CAMTA1: variants seen among roughly 807,000 people sequenced by gnomAD.
The protein encoded by CAMTA1 is calmodulin-binding transcription activator 1.
In CAMTA1, 27 loss-of-function variants were observed where a neutral mutation model predicts 170.9. The ratio of observed to expected loss-of-function variants is 0.16; its 90% CI spans 0.12 to 0.22. CAMTA1 has a LOEUF of 0.22. Among genes scored for constraint, CAMTA1 ranks in the 10% least tolerant of loss-of-function variants. CAMTA1 has a pLI of 1.00. For synonymous variants in CAMTA1, 833 were observed against 891.5 expected (o/e 0.93, Z 1.17); for missense variants, 1,619 against 2,217.2 (o/e 0.73, Z 5.42).
Position 7,224,163 on chromosome 1 carries a change from A to T in CAMTA1, c.303-25328A>T, listed in dbSNP as rs1279436765. On this transcript the variant is annotated intron_variant, in intron 4 of 22. Coordinates refer to ENST00000303635, the MANE Select transcript of CAMTA1 (RefSeq NM_015215.4). This position sits in a 1 kb window ranked among gnomAD's most constrained non-coding sequence, Gnocchi z 5.2. ...GAGTGCTCAAGCCATCCTGGACCTC[A>T]CCCGATGGGAGGGAGAATGATGCTC... is the stretch of plus-strand genomic sequence containing the variant. Among the ~76,000 whole-genome samples the T allele has an allele frequency of 6.6e-6, 1 of 152,134 alleles. No individual in the cohort carries two copies.
At chr1:7,648,391 C>CAAAAA (rs553719319) in intron 7 of CAMTA1, among the ~76,000 whole-genome samples, 2 of 112,772 alleles carry the variant, frequency 1.8e-5, no homozygotes, top group African/African-American at 6.5e-5. Flanking sequence ...GACTCCACCT[C>CAAAAA]AAAAAAAAAA....
At chr1:7,226,154 C>T (rs987314074) in intron 4 of CAMTA1, among the ~76,000 whole-genome samples, 1 of 152,272 alleles carries the variant, frequency 6.6e-6, no homozygotes, top group Admixed American at 6.5e-5. Context: ...ACACGTGCCT[C>T]CAAAGAACCC....
chr1:7,359,095 G>C (rs2149960190), intron 5 of CAMTA1, among the ~76,000 whole-genome samples: 1 of 152,352 alleles, frequency 6.6e-6, no homozygotes, highest in East Asian at 1.9e-4. Context: ...GTGCATAAGA[G>C]GGGCTCTAGG....
chr1:7,004,622 C>T (rs1477431765), intron 3 of CAMTA1, among the ~76,000 whole-genome samples: 1 of 152,114 alleles, frequency 6.6e-6, no homozygotes, highest in African/African-American at 2.4e-5. Flanking sequence ...GTATGAAAAC[C>T]ACTTAATTCA....
intron 22 of CAMTA1, among the ~76,000 whole-genome samples, chr1:7,758,673 C>T (rs1383570984): frequency 6.6e-6 from 1 of 152,172 alleles, no homozygotes; most frequent in Non-Finnish European, 1.5e-5. Context: ...CGGTGGCTTA[C>T]GCCTGTAATC....
At chr1:7,429,908 T>C (rs1447193178) in intron 5 of CAMTA1, among the ~76,000 whole-genome samples, 1 of 152,016 alleles carries the variant, frequency 6.6e-6, no homozygotes, top group East Asian at 1.9e-4. Flanking sequence ...TGCTACACAC[T>C]TTTAAACAAC....
rs140431280 is a variant in CAMTA1 at position 7,365,687 on chromosome 1, C to T, written c.439-102143C>T. ...GCTTCCTAAGATTCTAATGACAGTT[C>T]TGGCCAAAACAGGCAGCCCCCGTTA... On this transcript the variant is annotated intron_variant, in intron 5 of 22. Coordinates refer to ENST00000303635, the MANE Select transcript of CAMTA1 (RefSeq NM_015215.4). Among the ~76,000 whole-genome samples, 524 of 152,286 alleles carry T rather than the reference C, an allele frequency of 3.4e-3. 2 individuals carry two copies. The highest frequency in any genetic ancestry group is 0.02 in the South Asian group (96 of 4,826).
chr1:6,816,899 A>G (rs1182688149), intron 1 of CAMTA1, among the ~76,000 whole-genome samples: 1 of 152,168 alleles, frequency 6.6e-6, no homozygotes, highest in Non-Finnish European at 1.5e-5. Flanking sequence ...CTTTCTTATC[A>G]TGGAAGTTTT....
intron 6 of CAMTA1, among the ~76,000 whole-genome samples, chr1:7,488,638 CATAT>C (rs1158639535): frequency 1.3e-5 from 2 of 152,090 alleles, no homozygotes; most frequent in Non-Finnish European, 2.9e-5. Context: ...TATACATATA[CATAT>C]AAGCACATAT....
intron 5 of CAMTA1, among the ~76,000 whole-genome samples, chr1:7,303,168 C>T (rs1240862835): frequency 1.3e-5 from 2 of 152,106 alleles, no homozygotes; most frequent in African/African-American, 2.4e-5. Context: ...GTATAAGCAC[C>T]GTTATTATTA....
intron 6 of CAMTA1, among the ~76,000 whole-genome samples, chr1:7,621,057 G>A (rs2095594815): frequency 6.6e-6 from 1 of 152,214 alleles, no homozygotes; most frequent in Non-Finnish European, 1.5e-5. Flanking sequence ...ATCCATCAAT[G>A]TTCCGTCCAA....
At chr1:7,747,921 T>C in intron 19 of CAMTA1, 140 bp downstream of exon 19, 1 of 432,772 alleles carries the variant, frequency 2.3e-6, no homozygotes. Flanking sequence ...TTTTTTTTTA[T>C]TTTTTTTTTG....
In CAMTA1 at chr1:7,195,412, C is replaced by T. The variant is rs1339606044; in HGVS notation, c.303-54079C>T. Among the ~76,000 whole-genome samples the T allele has an allele frequency of 6.6e-6, 1 of 152,164 alleles. No homozygotes were observed. Among genetic ancestry groups the T allele is most frequent in the Non-Finnish European group, 1.5e-5 (1 of 68,022 alleles). On this transcript the variant is annotated intron_variant, in intron 4 of 22. Transcript: ENST00000303635. The surrounding 1 kb of genome is among the most constrained non-coding windows in gnomAD (Gnocchi z 4.1). ...GAAGCACATTCAGTGCTGAGCTTCC[C>T]TGGGCTTGGTGGCCGAGTGGAGTGA...
In CAMTA1 at chr1:7,248,489, G is replaced by A. The variant is rs1211569812; in HGVS notation, c.303-1002G>A. Reference sequence around the variant, plus strand: ...GCTGCACGTTCAGGTGCAGAGTGGTGCAGCACTGCGTGGGGTGCTGCTAGA... The same window carrying A: ...GCTGCACGTTCAGGTGCAGAGTGGTACAGCACTGCGTGGGGTGCTGCTAGA... On this transcript the variant is annotated intron_variant, in intron 4 of 22. Coordinates refer to ENST00000303635, the MANE Select transcript of CAMTA1 (RefSeq NM_015215.4). This position sits in a 1 kb window ranked among gnomAD's most constrained non-coding sequence, Gnocchi z 4.0. Among the ~76,000 whole-genome samples the A allele has an allele frequency of 6.6e-6, 1 of 152,226 alleles. No individual in the cohort carries two copies. Among genetic ancestry groups the A allele is most frequent in the African/African-American group, 2.4e-5 (1 of 41,462 alleles).
At chr1:6,891,447 C>T (rs1674474821) in intron 3 of CAMTA1, among the ~76,000 whole-genome samples, 1 of 152,122 alleles carries the variant, frequency 6.6e-6, no homozygotes, top group African/African-American at 2.4e-5. Context: ...TTTAGCTTGC[C>T]CTGTGTCTGT....
At chr1:7,392,882 A>C (rs565594058) in intron 5 of CAMTA1, among the ~76,000 whole-genome samples, 1 of 151,678 alleles carries the variant, frequency 6.6e-6, no homozygotes, top group Admixed American at 6.6e-5. Flanking sequence ...TCAATCAATC[A>C]ATCAATCAAT....
At chr1:6,885,268 T>A (rs373943549) in intron 3 of CAMTA1, among the ~76,000 whole-genome samples, 19 of 152,252 alleles carry the variant, frequency 1.2e-4, no homozygotes, top group African/African-American at 3.6e-4. Flanking sequence ...TTTGCTTTTT[T>A]AAAAATATTA....
intron 3 of CAMTA1, among the ~76,000 whole-genome samples, chr1:6,843,729 C>T (rs1489865359): frequency 6.6e-6 from 1 of 152,224 alleles, no homozygotes; most frequent in Non-Finnish European, 1.5e-5. Context: ...ATCCACCTGC[C>T]TCAGCTTCCC....
intron 4 of CAMTA1, among the ~76,000 whole-genome samples, chr1:7,148,133 CAA>C (rs2148664937): frequency 6.6e-6 from 1 of 150,404 alleles, no homozygotes; most frequent in South Asian, 2.1e-4. Flanking sequence ...TAAAAATACA[CAA>C]TGCATACACA....
Sources: allele counts gnomAD v4.1 joint callset (sites outside exome capture counted in the v4.1 genomes callset), GRCh38; gene constraint gnomAD v4.1.1; non-coding constraint Gnocchi (gnomAD v3.1); transcripts MANE v1.5; gene names NCBI Gene and HGNC (gene_info 2026-07-23, HGNC 2026-07-21).